NIPA1: variants seen among roughly 807,000 people sequenced by gnomAD.
NIPA1 encodes magnesium transporter NIPA1.
A neutral mutation model predicts 23.9 loss-of-function variants in NIPA1; 13 were observed. The observed-to-expected ratio is 0.54, with a 90% CI of 0.35 to 0.87. The LOEUF (loss-of-function observed/expected upper bound fraction) is 0.87. Ranked by LOEUF, NIPA1 falls within the 40% of genes least tolerant of loss-of-function variation. The pLI, the probability that NIPA1 is intolerant of heterozygous loss-of-function variation, is 0.01. For missense variants in NIPA1, 362 were observed against 429.7 expected (o/e 0.84, Z 1.39); for synonymous variants, 234 against 202.9 (o/e 1.15, Z -1.30).
At chr15:22,802,714 C>T (rs775748314) in intron 1 of NIPA1, among the ~76,000 whole-genome samples, 29 of 152,250 alleles carry the variant, frequency 1.9e-4, no homozygotes, top group Non-Finnish European at 4.0e-4. Context: ...CCTCATCCCC[C>T]ATACCAAGGT....
chr15:22,812,416 C>T (rs572013697), intron 3 of NIPA1, among the ~76,000 whole-genome samples, 163 bp downstream of exon 3: 4 of 152,152 alleles, frequency 2.6e-5, no homozygotes, highest in Non-Finnish European at 5.9e-5. Context: ...CTTTGGGAGG[C>T]CAAGGAGGGT....
intron 1 of NIPA1, among the ~76,000 whole-genome samples, chr15:22,796,028 C>T (rs1240930639): frequency 6.6e-6 from 1 of 151,998 alleles, no homozygotes; most frequent in Non-Finnish European, 1.5e-5. Flanking sequence ...ACCTCCTGGG[C>T]TCAAGTGATC....
In NIPA1 at chr15:22,786,695, G is replaced by T. The variant is rs1459664169; in HGVS notation, c.39G>T (p.Ala13=). 3.6e-6 allele frequency: 4 copies of T among 1,123,604 alleles called. No individual in the cohort carries two copies. Among genetic ancestry groups the T allele is most frequent in the South Asian group, 3.2e-5 (1 of 31,184 alleles). 69.6% of individuals were successfully genotyped at this position (1,123,604 alleles called of 1,614,324 possible). ...CTGCGGCAGCGGCGGCGGCGGCGGC[G>T]GCGGCGGCCGGGGAGGGGGCGCGTA... ...TAAAAAAAAA[A]AAAGEGARSP... Residue 13 remains alanine, a synonymous_variant, in exon 1 of 5, where the codon GCG becomes GCT. Transcript: ENST00000337435.
chr15:22,828,101 G>A lies in NIPA1; in HGVS notation c.*3862G>A. 1 of 152,710 alleles carries A rather than the reference G, an allele frequency of 6.5e-6. No individual in the cohort carries two copies. Among genetic ancestry groups the A allele is most frequent in the East Asian group, 1.9e-4 (1 of 5,176 alleles). The allele number at this position is 152,710 out of a possible 1,614,324, so 9.5% of individuals were successfully genotyped here. The stretch of plus-strand genomic sequence containing the variant: ...GGATTAGCTTCCGTGTTCTGAAGTT[G>A]TTCTTTTCATGGTGTCTGACACCGA... On this transcript the variant is annotated 3_prime_UTR_variant, in exon 5 of 5. Coordinates refer to ENST00000337435, the MANE Select transcript of NIPA1 (RefSeq NM_144599.5).
At chr15:22,809,766 G>T in intron 1 of NIPA1, among the ~76,000 whole-genome samples, 1 of 150,362 alleles carries the variant, frequency 6.7e-6, no homozygotes, top group Non-Finnish European at 1.5e-5. Context: ...AAGGCCAGGC[G>T]CGGTGGCTCA....
chr15:22,799,058 C>G (rs1236578345), intron 1 of NIPA1, among the ~76,000 whole-genome samples: 1 of 151,932 alleles, frequency 6.6e-6, no homozygotes, highest in Non-Finnish European at 1.5e-5. Flanking sequence ...ACCATTCAAC[C>G]CAGCAATCCC....
In NIPA1 at chr15:22,824,672, CTG is replaced by C. The variant is rs10611411; in HGVS notation, c.*435_*436del. On this transcript the variant is annotated 3_prime_UTR_variant, in exon 5 of 5. Coordinates refer to ENST00000337435, the MANE Select transcript of NIPA1 (RefSeq NM_144599.5). The surrounding 1 kb of genome is among the most constrained non-coding windows in gnomAD (Gnocchi z 4.1). The stretch of plus-strand genomic sequence containing the variant: ...CTCTGGCACTGTACAGTGAATGTGT[CTG>C]TAGTTGTGTTAGTTTGCATTAAGCA... 78,269 of 211,034 alleles carry C rather than the reference CTG, an allele frequency of 0.37. 16,494 individuals carry two copies. The highest frequency in any genetic ancestry group is 0.57 in the East Asian group (4,945 of 8,626). 13.1% of individuals were successfully genotyped at this position (211,034 alleles called of 1,614,324 possible).
chr15:22,811,586 A>G lies in NIPA1; in HGVS notation c.227-577A>G, dbSNP rs539238468. On this transcript the variant is annotated intron_variant, in intron 2 of 4. Coordinates refer to ENST00000337435, the MANE Select transcript of NIPA1 (RefSeq NM_144599.5). ...GCCAGTGCACTCCAGCCTGGCTGAC[A>G]GAGTGAGACTCTGTCTCAAAAGAAA... is the stretch of plus-strand genomic sequence containing the variant. Among the ~76,000 whole-genome samples the G allele has an allele frequency of 4.6e-5, 7 of 152,306 alleles. No individual in the cohort carries two copies. In the South Asian group the frequency reaches 8.3e-4, roughly 18 times the overall value.
At chr15:22,803,503 CTTTTTTTTTTTT>C (rs35223839) in intron 1 of NIPA1, among the ~76,000 whole-genome samples, 9 of 69,334 alleles carry the variant, frequency 1.3e-4, no homozygotes, top group African/African-American at 4.8e-4. Flanking sequence ...TTAAAAGTGC[CTTTTTTTTTTTT>C]TTTTTTTTTT....
intron 3 of NIPA1, among the ~76,000 whole-genome samples, chr15:22,814,669 T>A (rs1895381263): frequency 6.6e-6 from 1 of 152,216 alleles, no homozygotes; most frequent in Non-Finnish European, 1.5e-5. Context: ...TTTCTTTCTG[T>A]AATAGTGTAA....
At chr15:22,788,495 T>C (rs1399092361) in intron 1 of NIPA1, among the ~76,000 whole-genome samples, 3 of 69,870 alleles carry the variant, frequency 4.3e-5, no homozygotes, top group Non-Finnish European at 1.1e-4. Context: ...CAAGACTCCA[T>C]CTCAAAAAAA....
chr15:22,806,360 C>G (rs1056048312), intron 1 of NIPA1, among the ~76,000 whole-genome samples: 14 of 152,188 alleles, frequency 9.2e-5, no homozygotes, highest in African/African-American at 3.1e-4. Flanking sequence ...TGCACAAACA[C>G]TTCTTTGTTT....
chr15:22,806,451 G>T (rs537745412), intron 1 of NIPA1, among the ~76,000 whole-genome samples: 1 of 152,190 alleles, frequency 6.6e-6, no homozygotes, highest in African/African-American at 2.4e-5. Context: ...GGAACTTAGC[G>T]ATCATATCCT....
chr15:22,791,891 T>C (rs1221262328), intron 1 of NIPA1, among the ~76,000 whole-genome samples: 1 of 151,728 alleles, frequency 6.6e-6, no homozygotes, highest in East Asian at 1.9e-4. Context: ...TGCCATGCTT[T>C]TGGATGACAT....
At chr15:22,814,161 C>G in intron 3 of NIPA1, 3 of 1,204,296 alleles carry the variant, frequency 2.5e-6, no homozygotes, top group Non-Finnish European at 3.3e-6. Flanking sequence ...CCAGTAAGAC[C>G]TTTTCTTTTA....
At position 22,797,043 on chromosome 15, in the gene NIPA1, C is replaced by CTTT. The variant is rs61661682; in HGVS notation, c.178+10222_178+10224dup. On this transcript the variant is annotated intron_variant, in intron 1 of 4. Transcript: ENST00000337435. ...GTGGCTGCTATTACAATTGAGGTTT[C>CTTT]TTTTTTTTTTTTTTTAGATAAAGTC... Among the ~76,000 whole-genome samples, 175 of 140,234 alleles carry CTTT rather than the reference C, an allele frequency of 1.2e-3. 1 individual carries two copies. Among genetic ancestry groups the CTTT allele is most frequent in the African/African-American group, 4.1e-3 (160 of 38,706 alleles). The allele number at this position is 140,234 out of a possible 152,430, so 92.0% of individuals were successfully genotyped here. A position where few individuals can be genotyped will look rare whatever the true frequency, so the allele number is the denominator to read the frequency against.
intron 3 of NIPA1, among the ~76,000 whole-genome samples, chr15:22,817,862 A>C (rs1175822966): frequency 6.6e-6 from 1 of 152,086 alleles, no homozygotes; most frequent in Non-Finnish European, 1.5e-5. Context: ...ACCAAAAATG[A>C]AATTAAGAAA....
Position 22,824,526 on chromosome 15 carries a change from T to C in NIPA1, c.*287T>C, listed in dbSNP as rs3812924. ...GGAAGCTTTCATGAATATTCTCTTC[T>C]TTTAAAACATTTTAACATTATTTAA... On this transcript the variant is annotated 3_prime_UTR_variant, in exon 5 of 5. Coordinates refer to ENST00000337435, the MANE Select transcript of NIPA1 (RefSeq NM_144599.5). This position sits in a 1 kb window ranked among gnomAD's most constrained non-coding sequence, Gnocchi z 4.1. 109,157 of 405,816 alleles carry C rather than the reference T, an allele frequency of 0.27. 16,637 individuals carry two copies. The highest frequency in any genetic ancestry group is 0.32 in the Non-Finnish European group (71,142 of 220,454). 25.1% of individuals were successfully genotyped at this position (405,816 alleles called of 1,614,324 possible).
chr15:22,814,853 T>C (rs1895386179), intron 3 of NIPA1, among the ~76,000 whole-genome samples: 1 of 152,222 alleles, frequency 6.6e-6, no homozygotes, highest in Admixed American at 6.5e-5. Context: ...TGCCTCATCA[T>C]ACACTTTCTC....
Sources: allele counts gnomAD v4.1 joint callset (sites outside exome capture counted in the v4.1 genomes callset), GRCh38; gene constraint gnomAD v4.1.1; non-coding constraint Gnocchi (gnomAD v3.1); transcripts MANE v1.5; gene names NCBI Gene and HGNC (gene_info 2026-07-23, HGNC 2026-07-21).